TMEM130: variants seen among roughly 807,000 people sequenced by gnomAD.
The protein encoded by TMEM130 is transmembrane protein 130.
In TMEM130, 37 loss-of-function variants were observed where a neutral mutation model predicts 42.9. The observed-to-expected ratio is 0.86, with a 90% CI of 0.66 to 1.13. The LOEUF is 1.13. Among genes scored for constraint, TMEM130 ranks in the 50% most tolerant of loss-of-function variants. The pLI, the probability that TMEM130 is intolerant of heterozygous loss-of-function variation, is 0.00. For missense variants in TMEM130, 545 were observed against 562.6 expected, an observed-to-expected ratio of 0.97 and a Z score of 0.32; for synonymous variants, 259 against 237.7, an observed-to-expected ratio of 1.09 and a Z score of -0.82.
chr7:98,847,946 C>T lies in TMEM130; in HGVS notation c.*110G>A. 9.2e-7 allele frequency: 1 copy of T among 1,083,922 alleles called. No individual in the cohort carries two copies. The highest frequency in any genetic ancestry group is 1.5e-5 in the South Asian group (1 of 66,680). The allele number at this position is 1,083,922 out of a possible 1,614,324, so 67.1% of individuals were successfully genotyped here. On this transcript the variant is annotated 3_prime_UTR_variant, in exon 8 of 8. Coordinates refer to ENST00000339375, the MANE Select transcript of TMEM130 (RefSeq NM_152913.3). ...GTACAGATGGATGGATGATCCAGGC[C>T]AACAGCCCCACGCAAATGAACCCCT...
chr7:98,849,376 G>T (rs1218484343), intron 6 of TMEM130, among the ~76,000 whole-genome samples: 2 of 152,092 alleles, frequency 1.3e-5, no homozygotes, highest in Non-Finnish European at 2.9e-5. Context: ...GGAAGTGTGG[G>T]TTCCCTCTCC....
chr7:98,850,943 G>A (rs1218942355), intron 6 of TMEM130, among the ~76,000 whole-genome samples: 5 of 152,148 alleles, frequency 3.3e-5, no homozygotes, highest in East Asian at 1.9e-4. Context: ...GGTTGCTTTC[G>A]GTCCACAAAG....
chr7:98,856,008 G>T lies in TMEM130; in HGVS notation c.718+9C>A. 6.2e-7 allele frequency: 1 copy of T among 1,611,568 alleles called. No individual in the cohort carries two copies. On this transcript the variant is annotated intron_variant, in intron 4 of 7. Transcript: ENST00000339375. ...CGCCCAGACTGCATCAGCCTGCCTGGACACCCACCCTGCAGCTTCAGCGAG... is the reference window on the plus strand; with the variant it reads ...CGCCCAGACTGCATCAGCCTGCCTGTACACCCACCCTGCAGCTTCAGCGAG...
intron 1 of TMEM130, among the ~76,000 whole-genome samples, chr7:98,868,873 C>T (rs1554400978): frequency 6.6e-6 from 1 of 152,172 alleles, no homozygotes; most frequent in Non-Finnish European, 1.5e-5. Flanking sequence ...GTAATCTTGT[C>T]CAAGTGCAAT....
chr7:98,862,960 G>T, intron 2 of TMEM130, 135 bp downstream of exon 2: 1 of 966,452 alleles, frequency 1.0e-6, no homozygotes, highest in South Asian at 1.6e-5. Context: ...CGACTGACCC[G>T]GGGAAGGAAC....
chr7:98,869,823 G>A lies in TMEM130; in HGVS notation c.39C>T (p.Leu13=). The A allele has an allele frequency of 1.4e-6, 2 of 1,450,500 alleles. No homozygotes were observed. The highest frequency in any genetic ancestry group is 1.8e-6 in the Non-Finnish European group (2 of 1,103,062). 89.9% of individuals were successfully genotyped at this position (1,450,500 alleles called of 1,614,324 possible). The change falls in exon 1 of 8, where the codon CTC becomes CTT. Residue 13 remains leucine, a synonymous_variant. Coordinates refer to ENST00000339375, the MANE Select transcript of TMEM130 (RefSeq NM_152913.3). This position sits in a 1 kb window ranked among gnomAD's most constrained non-coding sequence, Gnocchi z 4.7. ...CCCAGGGCAGGAGGCAGGCAAGCCA[G>A]AGGATGCGGCCGAGGCGCGACCACA... ...QAVWSRLGRI[L]WLACLLPWAP...
rs1394353341 is a variant in TMEM130 at position 98,848,571 on chromosome 7, C to T, written c.1119+12G>A. ...GCCCAGTAGTCCAGCCCCCACCCCA[C>T]TGAGTACCCACCTCCACCATGTCCT... On this transcript the variant is annotated intron_variant, in intron 7 of 7. Transcript: ENST00000339375. The T allele has an allele frequency of 1.3e-6, 2 of 1,582,778 alleles. No individual in the cohort carries two copies. Among genetic ancestry groups the T allele is most frequent in the Non-Finnish European group, 8.7e-7 (1 of 1,151,522 alleles).
At chr7:98,865,606 CA>C (rs142797823) in intron 1 of TMEM130, among the ~76,000 whole-genome samples, 4,384 of 152,082 alleles carry the variant, frequency 0.029, 89 homozygotes, top group South Asian at 0.054. Flanking sequence ...GAAACTGTCT[CA>C]AAAAAATTTA....
chr7:98,857,142 G>A (rs1464112602), intron 3 of TMEM130, among the ~76,000 whole-genome samples: 6 of 152,070 alleles, frequency 3.9e-5, no homozygotes, highest in East Asian at 1.9e-4. Context: ...CCCTAGTCTC[G>A]AATTCCTGGG....
intron 6 of TMEM130, 102 bp from the exon 7 acceptor site, chr7:98,848,797 C>T: frequency 1.2e-6 from 1 of 843,738 alleles, no homozygotes; most frequent in Non-Finnish European, 2.0e-6. Context: ...CAAGCCCCAC[C>T]AGTGATTTTT....
Position 98,850,049 on chromosome 7 carries a change from T to G in TMEM130, c.1007-1354A>C, listed in dbSNP as rs571301172. Among the ~76,000 whole-genome samples, 5 of 151,750 alleles carry G rather than the reference T, an allele frequency of 3.3e-5. No individual in the cohort carries two copies. The East Asian group carries it at 9.7e-4, about 29-fold the overall frequency. ...GTTGGGCATCCTTTTCTCTTTTTTA[T>G]TTTTTATTTATTTTTCTGGAGACAG... is the stretch of plus-strand genomic sequence containing the variant. On this transcript the variant is annotated intron_variant, in intron 6 of 7. Coordinates refer to ENST00000339375, the MANE Select transcript of TMEM130 (RefSeq NM_152913.3).
intron 3 of TMEM130, among the ~76,000 whole-genome samples, chr7:98,857,566 G>A (rs1469366911): frequency 1.3e-5 from 2 of 152,004 alleles, no homozygotes; most frequent in Non-Finnish European, 2.9e-5. Flanking sequence ...CAGTCGTAAT[G>A]TTACAGGCCT....
In TMEM130 at chr7:98,848,224, G is replaced by A. The variant is rs200482756; in HGVS notation, c.1120-16C>T. ...GCTCCGGGTTCTTGTCAGACATGGG[G>A]GAAAAGTCAAAATCAGCCACCTATG... On this transcript the variant is annotated splice_polypyrimidine_tract_variant and intron_variant, in intron 7 of 7. Transcript: ENST00000339375. 1.4e-4 allele frequency: 229 copies of A among 1,613,796 alleles called. No homozygotes were observed. The highest frequency in any genetic ancestry group is 1.8e-4 in the Non-Finnish European group (218 of 1,179,922).
rs1554399606 is a variant in TMEM130, at chr7:98,860,283, G to A, written c.447C>T (p.Ser149=). 1.9e-6 allele frequency: 3 copies of A among 1,613,024 alleles called. No individual in the cohort carries two copies. The highest frequency in any genetic ancestry group is 3.3e-5 in the Admixed American group (2 of 59,920). Residue 149 remains serine (S), a synonymous_variant, in exon 3 of 8, where the codon AGC becomes AGT. Coordinates refer to ENST00000339375, the MANE Select transcript of TMEM130 (RefSeq NM_152913.3). ...VTQNTSLPWP[S]SYLTKTVLKV... ...TCAGGACGGTCTTAGTGAGATAGGAGCTGGGCCAGGGTAGGGAAGTGTTCT... is the reference window on the plus strand; with the variant it reads ...TCAGGACGGTCTTAGTGAGATAGGAACTGGGCCAGGGTAGGGAAGTGTTCT...
At chr7:98,855,108 C>T in intron 5 of TMEM130, 132 bp downstream of exon 5, 1 of 604,482 alleles carries the variant, frequency 1.7e-6, no homozygotes, top group Non-Finnish European at 2.8e-6. Flanking sequence ...AGCCTCAAGA[C>T]AAAGTGGCAC....
At chr7:98,857,985 A>G (rs1794673891) in intron 3 of TMEM130, among the ~76,000 whole-genome samples, 1 of 151,816 alleles carries the variant, frequency 6.6e-6, no homozygotes, top group South Asian at 2.1e-4. Flanking sequence ...CAAGTGATCC[A>G]TCCACCTCAG....
At chr7:98,858,322 C>T (rs1794680452) in intron 3 of TMEM130, among the ~76,000 whole-genome samples, 1 of 151,992 alleles carries the variant, frequency 6.6e-6, no homozygotes, top group Admixed American at 6.6e-5. Flanking sequence ...GGGAGGATGG[C>T]TTGAGGCCAG....
Position 98,860,331 on chromosome 7 carries a change from G to A in TMEM130, c.399C>T (p.Leu133=), listed in dbSNP as rs782355052. ...TCTGGGTGACAACAAGGTCCCCCACGAGGAACTCTGGGAGAGAGAGAGACA... is the reference window on the plus strand; with the variant it reads ...TCTGGGTGACAACAAGGTCCCCCACAAGGAACTCTGGGAGAGAGAGAGACA... ...GFVVLPITEF[L]VGDLVVTQNT... The change falls in exon 3 of 8, where the codon CTC becomes CTT. Residue 133 remains leucine, a synonymous_variant. Transcript: ENST00000339375. The A allele has an allele frequency of 8.2e-6, 13 of 1,591,920 alleles. No individual in the cohort carries two copies. Among genetic ancestry groups the A allele is most frequent in the South Asian group, 5.7e-5 (5 of 88,258 alleles).
chr7:98,848,805 T>C, intron 6 of TMEM130, 110 bp from the exon 7 acceptor site: 1 of 783,564 alleles, frequency 1.3e-6, no homozygotes, highest in Non-Finnish European at 2.2e-6. Flanking sequence ...ACCAGTGATT[T>C]TTTTTACCCT....
Sources: allele counts gnomAD v4.1 joint callset (sites outside exome capture counted in the v4.1 genomes callset), GRCh38; gene constraint gnomAD v4.1.1; non-coding constraint Gnocchi (gnomAD v3.1); transcripts MANE v1.5; gene names NCBI Gene and HGNC (gene_info 2026-07-23, HGNC 2026-07-21).